The following PGGT1B variants were observed in gnomAD, a reference collection of about 807,000 sequenced individuals.
PGGT1B encodes geranylgeranyl transferase type-1 subunit beta.
Under a neutral mutation model 46.1 loss-of-function variants are expected in PGGT1B, and 30 were observed. The ratio of observed to expected loss-of-function variants is 0.65; its 90% CI spans 0.49 to 0.88. The LOEUF (loss-of-function observed/expected upper bound fraction) is 0.88. Ranked by LOEUF, PGGT1B falls within the 40% of genes least tolerant of loss-of-function variation. The pLI, the probability that PGGT1B is intolerant of heterozygous loss-of-function variation, is 0.00. For missense variants in PGGT1B, 376 were observed against 455.9 expected, an observed-to-expected ratio of 0.82 and a Z score of 1.60; for synonymous variants, 170 against 160.0, an observed-to-expected ratio of 1.06 and a Z score of -0.47.
chr5:115,239,800 C>A (rs1363236), intron 3 of PGGT1B, among the ~76,000 whole-genome samples: 22,457 of 152,126 alleles, frequency 0.15, 2,466 homozygotes, highest in African/African-American at 0.31. Flanking sequence ...AAGGACAACA[C>A]AAAATTTGCT....
chr5:115,241,879 T>C (rs1757356884), intron 2 of PGGT1B, among the ~76,000 whole-genome samples: 1 of 152,190 alleles, frequency 6.6e-6, no homozygotes, highest in Non-Finnish European at 1.5e-5. Context: ...CCTTTCATAC[T>C]TCTCCTGTCA....
chr5:115,233,472 G>A (rs923931271), intron 5 of PGGT1B, among the ~76,000 whole-genome samples: 3 of 150,656 alleles, frequency 2.0e-5, no homozygotes, highest in African/African-American at 4.9e-5. Flanking sequence ...AAGAGAAAGT[G>A]GCTGAAAAGA....
At chr5:115,244,273 G>T (rs1747701798) in intron 2 of PGGT1B, among the ~76,000 whole-genome samples, 1 of 151,772 alleles carries the variant, frequency 6.6e-6, no homozygotes, top group Non-Finnish European at 1.5e-5. Flanking sequence ...AGACCATCCT[G>T]GCTAACACAG....
chr5:115,259,015 C>T (rs1748440977), intron 1 of PGGT1B, among the ~76,000 whole-genome samples: 1 of 152,202 alleles, frequency 6.6e-6, no homozygotes, highest in African/African-American at 2.4e-5. Flanking sequence ...CATACAGACA[C>T]TCTATTAAGA....
chr5:115,255,907 TA>T (rs1748290603), intron 1 of PGGT1B, among the ~76,000 whole-genome samples: 1 of 152,152 alleles, frequency 6.6e-6, no homozygotes, highest in Non-Finnish European at 1.5e-5. Context: ...AGAATCTGCT[TA>T]AAAACTGCTC....
intron 5 of PGGT1B, among the ~76,000 whole-genome samples, chr5:115,233,958 T>C (rs1186201408): frequency 6.6e-6 from 1 of 151,930 alleles, no homozygotes; most frequent in Non-Finnish European, 1.5e-5. Context: ...TGAAGATGTA[T>C]CTATAACAAT....
At chr5:115,234,262 CA>C (rs1757101958) in intron 5 of PGGT1B, among the ~76,000 whole-genome samples, 1 of 148,630 alleles carries the variant, frequency 6.7e-6, no homozygotes, top group Non-Finnish European at 1.5e-5. Context: ...AAAGGAAAAG[CA>C]TTAAAAATAT....
intron 3 of PGGT1B, 94 bp downstream of exon 3, chr5:115,241,445 A>G: frequency 1.6e-6 from 1 of 625,546 alleles, no homozygotes; most frequent in Non-Finnish European, 2.7e-6. Flanking sequence ...TGAAATCTGG[A>G]AGCCTGTTTT....
chr5:115,233,945 C>A (rs1439173444), intron 5 of PGGT1B, among the ~76,000 whole-genome samples: 2 of 151,760 alleles, frequency 1.3e-5, no homozygotes, highest in African/African-American at 2.4e-5. Flanking sequence ...CAGAAATTTA[C>A]CCTGAAGATG....
chr5:115,219,766 T>G (rs899300914), intron 7 of PGGT1B, among the ~76,000 whole-genome samples: 1 of 151,662 alleles, frequency 6.6e-6, no homozygotes, highest in Admixed American at 6.6e-5. Context: ...GATTTAAAAA[T>G]AGGCAAAGGG....
chr5:115,220,178 C>A (rs1756544222), intron 7 of PGGT1B, among the ~76,000 whole-genome samples: 1 of 151,392 alleles, frequency 6.6e-6, no homozygotes, highest in East Asian at 1.9e-4. Flanking sequence ...TTTGCAATAG[C>A]CAAAAGGTGA....
At chr5:115,214,335 A>G (rs1209211576) in intron 8 of PGGT1B, among the ~76,000 whole-genome samples, 1 of 152,186 alleles carries the variant, frequency 6.6e-6, no homozygotes, top group African/African-American at 2.4e-5. Context: ...GTGGCAACGT[A>G]CAAGCACTTT....
chr5:115,212,543 T>C lies in PGGT1B; in HGVS notation c.993A>G (p.Leu331=). ...CTTTACAAATTCCACTTTCCTCCAT[T>C]AGTGACAGGCCACAGATCCCAAAGT... ...HAYFGICGLS[L]MEESGICKVH... The change falls in exon 9 of 9, where the codon CTA becomes CTG. Residue 331 remains leucine (L), a synonymous_variant. Coordinates refer to ENST00000419445, the MANE Select transcript of PGGT1B (RefSeq NM_005023.4). 1 of 1,613,378 alleles carries C rather than the reference T, an allele frequency of 6.2e-7. No homozygotes were observed.
In PGGT1B at chr5:115,262,723, G is replaced by C. The variant is rs527847322; in HGVS notation, c.129C>G (p.Leu43=). The C allele has an allele frequency of 8.1e-6, 13 of 1,609,534 alleles. No individual in the cohort carries two copies. The African/African-American group carries it at 1.6e-4, about 20-fold the overall frequency. Residue 43 remains leucine (L), a synonymous_variant, in exon 1 of 9, where the codon CTC becomes CTG. Coordinates refer to ENST00000419445, the MANE Select transcript of PGGT1B (RefSeq NM_005023.4). ...GTGCCACGAGTTACCTGCTTGTCTC[G>C]AGTGAAGAATAGCGCTCCGGCAAAA... The part of the protein sequence containing the change: ...LQVLPERYSS[L]ETSRLTIAFF...
intron 6 of PGGT1B, among the ~76,000 whole-genome samples, chr5:115,228,633 T>C (rs972003055): frequency 1.1e-4 from 17 of 151,818 alleles, no homozygotes; most frequent in Non-Finnish European, 2.5e-4. Context: ...CTATGTACAA[T>C]GAACAGCATG....
intron 8 of PGGT1B, among the ~76,000 whole-genome samples, chr5:115,214,811 A>G (rs1756362479): frequency 6.6e-6 from 1 of 152,234 alleles, no homozygotes; most frequent in Non-Finnish European, 1.5e-5. Context: ...TACTCCCATT[A>G]TTTGTTAAAA....
At chr5:115,257,428 C>A (rs1465223656) in intron 1 of PGGT1B, among the ~76,000 whole-genome samples, 3 of 148,818 alleles carry the variant, frequency 2.0e-5, no homozygotes, top group Non-Finnish European at 4.4e-5. Flanking sequence ...GCAGGAGACT[C>A]ACTTGAACCC....
rs577677709 is a variant in PGGT1B at position 115,234,934 on chromosome 5, C to T, written c.612+1456G>A. On this transcript the variant is annotated intron_variant, in intron 5 of 8. Coordinates refer to ENST00000419445, the MANE Select transcript of PGGT1B (RefSeq NM_005023.4). Reference sequence around the variant, plus strand: ...TTTCCTATCTCTGCCCGAGAAAAGGCCTAGAAGTAATGACATCGCAATACC... The same window carrying T: ...TTTCCTATCTCTGCCCGAGAAAAGGTCTAGAAGTAATGACATCGCAATACC... 1.4e-4 allele frequency among the ~76,000 whole-genome samples: 21 copies of T among 152,056 alleles called. No homozygotes were observed. The South Asian group carries it at 3.5e-3, about 26-fold the overall frequency.
chr5:115,254,589 G>C (rs1748235923), intron 1 of PGGT1B, among the ~76,000 whole-genome samples: 1 of 137,386 alleles, frequency 7.3e-6, no homozygotes, highest in Non-Finnish European at 1.5e-5. Context: ...TGAGAAAATA[G>C]TGATTTCTTC....
Sources: allele counts gnomAD v4.1 joint callset (sites outside exome capture counted in the v4.1 genomes callset), GRCh38; gene constraint gnomAD v4.1.1; transcripts MANE v1.5; gene names NCBI Gene and HGNC (gene_info 2026-07-23, HGNC 2026-07-21).